The following XKR7 variants were observed in gnomAD, a reference collection of about 807,000 sequenced individuals.
XKR7 encodes XK related 7, also known as XK-related protein 7.
In XKR7, 11 loss-of-function variants were observed where a neutral mutation model predicts 42.2. The ratio of observed to expected loss-of-function variants is 0.26; its 90% CI spans 0.16 to 0.43. XKR7 has a LOEUF of 0.43. Among genes scored for constraint, XKR7 ranks in the 20% least tolerant of loss-of-function variants. The probability of loss-of-function intolerance (pLI) is 1.00; values close to 1 mark genes in which losing one functional copy is unlikely to be tolerated. For synonymous variants in XKR7, 346 were observed against 366.4 expected (o/e 0.94, Z 0.64); for missense variants, 710 against 802.2 (o/e 0.89, Z 1.39).
intron 1 of XKR7, among the ~76,000 whole-genome samples, chr20:31,983,575 G>T (rs1235181977): frequency 6.6e-6 from 1 of 152,150 alleles, no homozygotes; most frequent in Non-Finnish European, 1.5e-5. Context: ...GAGAGGGAGG[G>T]TGGTGGGAGA....
chr20:31,971,809 A>G (rs2064466965), intron 1 of XKR7, among the ~76,000 whole-genome samples: 1 of 152,190 alleles, frequency 6.6e-6, no homozygotes, highest in Non-Finnish European at 1.5e-5. Context: ...CCATAAGACC[A>G]TAAGATACAA....
intron 1 of XKR7, among the ~76,000 whole-genome samples, chr20:31,993,386 A>C (rs1296783403): frequency 6.6e-6 from 1 of 152,162 alleles, no homozygotes; most frequent in Non-Finnish European, 1.5e-5. Context: ...CATAGTGTGC[A>C]AAGTTTCTTT....
Position 31,968,575 on chromosome 20 carries a change from GC to G in XKR7, c.402del (p.Gly135AlafsTer94). On this transcript the variant is annotated frameshift_variant, in exon 1 of 3. Coordinates refer to ENST00000562532, the MANE Select transcript of XKR7 (RefSeq NM_001011718.2). LOFTEE classifies it high-confidence loss of function. This position sits in a 1 kb window ranked among gnomAD's most constrained non-coding sequence, Gnocchi z 4.5. ...CGCCGTCAGCACCAAGGACAGCGTA[GC>G]CGGCGGAGCCGCCATCAGCACCAAG... ...GPAVSTKDSV[A>X]GGAAISTKDS... 1 of 1,609,250 alleles carries G rather than the reference GC, an allele frequency of 6.2e-7. No homozygotes were observed. Among genetic ancestry groups the G allele is most frequent in the Non-Finnish European group, 8.5e-7 (1 of 1,178,854 alleles).
chr20:31,997,187 A>G lies in XKR7; in HGVS notation c.1470A>G (p.Gly490=), dbSNP rs1198259764. The change falls in exon 3 of 3, where the codon GGA becomes GGG. Residue 490 remains glycine, a synonymous_variant. Transcript: ENST00000562532. ...TGAERDGASA[G]ERAGTPTPPV... ...CTGAGCGGGATGGGGCCTCGGCGGG[A>G]GAGCGTGCAGGGACCCCCACCCCAC... 6.2e-7 allele frequency: 1 copy of G among 1,609,974 alleles called. No homozygotes were observed. Among genetic ancestry groups the G allele is most frequent in the Non-Finnish European group, 8.5e-7 (1 of 1,179,918 alleles).
chr20:31,982,301 A>C (rs945721292), intron 1 of XKR7, among the ~76,000 whole-genome samples: 3 of 152,080 alleles, frequency 2.0e-5, no homozygotes, highest in Non-Finnish European at 4.4e-5. Flanking sequence ...TGGGTGGATC[A>C]CCTGAGGTCA....
chr20:31,996,463 G>T (rs774565860), intron 2 of XKR7, 42 bp from the exon 3 acceptor site: 2 of 32,784 alleles, frequency 6.1e-5, no homozygotes, highest in Non-Finnish European at 1.0e-4. Context: ...ACCCGAGCCC[G>T]CCCCTAACCC....
chr20:31,970,439 G>A (rs1032756228), intron 1 of XKR7: 11 of 152,242 alleles, frequency 7.2e-5, no homozygotes, highest in Non-Finnish European at 1.0e-4. Context: ...CAGGGGAGTA[G>A]CTAGAATTGC....
rs772811350 is a variant in XKR7, at chr20:31,996,923, G to C, written c.1206G>C (p.Trp402Cys). The change falls in exon 3 of 3, where the codon TGG becomes TGC. Residue 402 changes from tryptophan (W) to cysteine (C), a missense_variant. Trp to Cys is a radical substitution (Grantham distance 215). This residue lies in a region of XKR7 where 708 missense variants were observed against 786.2 expected (regional missense o/e 0.90). Coordinates refer to ENST00000562532, the MANE Select transcript of XKR7 (RefSeq NM_001011718.2). ...AGAACGCCGCGCTCACCGGCTTCTG[G>C]TACTCCAGCCGCAACTTCTCAACCG... is the stretch of plus-strand genomic sequence containing the variant. ...LLENAALTGF[W>C]YSSRNFSTDF... 2 of 1,613,880 alleles carry C rather than the reference G, an allele frequency of 1.2e-6. No individual in the cohort carries two copies. The highest frequency in any genetic ancestry group is 1.7e-6 in the Non-Finnish European group (2 of 1,180,024).
intron 1 of XKR7, among the ~76,000 whole-genome samples, chr20:31,974,148 G>A (rs1054362212): frequency 6.6e-6 from 1 of 152,068 alleles, no homozygotes; most frequent in Non-Finnish European, 1.5e-5. Flanking sequence ...AGCCGAGAGT[G>A]AGCCACTGCA....
chr20:31,980,270 T>C lies in XKR7; in HGVS notation c.584+11511T>C, dbSNP rs372992780. ...AAATCACATTCTTTACTGACATTTA[T>C]GACTCATTTGGCTGACAACCCCAGG... On this transcript the variant is annotated intron_variant, in intron 1 of 2. Transcript: ENST00000562532. Among the ~76,000 whole-genome samples, 4 of 152,212 alleles carry C rather than the reference T, an allele frequency of 2.6e-5. No homozygotes were observed. The East Asian group carries it at 7.7e-4, about 29-fold the overall frequency.
At chr20:31,987,481 C>G (rs1185102430) in intron 1 of XKR7, among the ~76,000 whole-genome samples, 5 of 150,042 alleles carry the variant, frequency 3.3e-5, no homozygotes, top group Non-Finnish European at 7.4e-5. Flanking sequence ...AAGGCACAGA[C>G]AGTCCACCAA....
rs1268102834 is a variant in XKR7, at chr20:31,997,344, C to T, written c.1627C>T (p.Arg543Trp). The change falls in exon 3 of 3, where the codon CGG becomes TGG. Residue 543 changes from arginine to tryptophan, a missense_variant. Transcript: ENST00000562532. ...CTGGGATGCTCATTTTATTGACCGC[C>T]GGCTCCGGAAGACCATCCTGGCACT... is the stretch of plus-strand genomic sequence containing the variant. ...PAWDAHFIDR[R>W]LRKTILALEY... is the part of the protein sequence containing the mutation. 6 of 1,606,674 alleles carry T rather than the reference C, an allele frequency of 3.7e-6. No individual in the cohort carries two copies. Among genetic ancestry groups the T allele is most frequent in the Middle Eastern group, 1.6e-4 (1 of 6,062 alleles).
intron 1 of XKR7, 72 bp from the exon 2 acceptor site, chr20:31,994,996 C>A (rs1164082701): frequency 2.6e-6 from 4 of 1,518,996 alleles, no homozygotes; most frequent in Non-Finnish European, 3.5e-6. Context: ...CGCCTGTGGG[C>A]GGCTCGGGGC....
chr20:31,982,203 T>A (rs2064516461), intron 1 of XKR7, among the ~76,000 whole-genome samples: 1 of 152,296 alleles, frequency 6.6e-6, no homozygotes, highest in East Asian at 1.9e-4. Context: ...TTAGCACAGT[T>A]TGGGGTACAT....
At position 31,996,520 on chromosome 20, in the gene XKR7, C is replaced by T. The variant is rs554231232; in HGVS notation, c.803C>T (p.Ala268Val). 7 of 1,491,088 alleles carry T rather than the reference C, an allele frequency of 4.7e-6. No individual in the cohort carries two copies. Among genetic ancestry groups the T allele is most frequent in the East Asian group, 4.7e-5 (2 of 42,954 alleles). The allele number at this position is 1,491,088 out of a possible 1,614,324, so 92.4% of individuals were successfully genotyped here. ...PDLLPALSTS[A>V]SLVSLAWTLA... Reference sequence around the variant, plus strand: ...GTCTCCACAGCCCTCTCCACCTCCGCCTCCCTCGTGTCTCTGGCCTGGACG... The same window carrying T: ...GTCTCCACAGCCCTCTCCACCTCCGTCTCCCTCGTGTCTCTGGCCTGGACG... Residue 268 changes from alanine (A) to valine (V), a missense_variant, in exon 3 of 3, where the codon GCC becomes GTC. Around this residue, in one of 2 missense-constraint regions of XKR7, gnomAD observed 708 missense variants for 786.2 expected, o/e 0.90. Transcript: ENST00000562532.
chr20:31,979,989 T>G (rs1384253936), intron 1 of XKR7, among the ~76,000 whole-genome samples: 5 of 152,052 alleles, frequency 3.3e-5, no homozygotes, highest in South Asian at 2.1e-4. Flanking sequence ...AATGCTTTGC[T>G]GAAGAGGGGC....
At position 31,968,516 on chromosome 20, in the gene XKR7, A is replaced by G. The variant is rs1401239726; in HGVS notation, c.341A>G (p.Tyr114Cys). 1.2e-6 allele frequency: 2 copies of G among 1,611,826 alleles called. No individual in the cohort carries two copies. Among genetic ancestry groups the G allele is most frequent in the East Asian group, 2.2e-5 (1 of 44,782 alleles). Residue 114 changes from tyrosine to cysteine, a missense_variant, in exon 1 of 3, where the codon TAC (tyrosine) becomes TGC (cysteine). By Grantham distance (194) the Tyr-to-Cys change is radical. This residue lies in a region of XKR7 where 708 missense variants were observed against 786.2 expected (regional missense o/e 0.90). Coordinates refer to ENST00000562532, the MANE Select transcript of XKR7 (RefSeq NM_001011718.2). The surrounding 1 kb of genome is among the most constrained non-coding windows in gnomAD (Gnocchi z 4.5). ...VQLLSFRWFV[Y>C]DYSEPAGSPG... is the part of the protein sequence containing the mutation. ...TTACTGAGCTTCCGCTGGTTCGTCT[A>G]CGACTACTCGGAGCCCGCAGGGTCC...
chr20:31,980,131 G>GACAAA (rs2064505121), intron 1 of XKR7, among the ~76,000 whole-genome samples: 1 of 95,464 alleles, frequency 1.0e-5, no homozygotes, highest in Admixed American at 1.3e-4. Context: ...CTTTAGCCCA[G>GACAAA]AAAAAAAAAA....
At chr20:31,972,489 C>T (rs939315883) in intron 1 of XKR7, among the ~76,000 whole-genome samples, 1 of 152,216 alleles carries the variant, frequency 6.6e-6, no homozygotes, top group Non-Finnish European at 1.5e-5. Context: ...TTCATCCCTC[C>T]CTTCCCTTTA....
Sources: gnomAD v4.1 joint callset for allele counts (sites outside exome capture counted in the v4.1 genomes callset) on GRCh38, gnomAD v4.1.1 for gene constraint, gnomAD v4.1.1 regional missense constraint, Gnocchi (gnomAD v3.1) non-coding constraint, MANE v1.5 for transcripts, NCBI Gene and HGNC (gene_info 2026-07-23, HGNC 2026-07-21) for gene names.